RAPGEF2: variants seen among roughly 807,000 people sequenced by gnomAD.
RAPGEF2 encodes the protein PDZ domain containing guanine nucleotide exchange factor (GEF) 1.
A neutral mutation model predicts 186.7 loss-of-function variants in RAPGEF2; 54 were observed. That is an observed-to-expected ratio of 0.29 (90% confidence interval 0.23 to 0.36). The LOEUF is 0.36. RAPGEF2 is among the 10% of genes least tolerant of loss of function. The pLI, the probability that RAPGEF2 is intolerant of heterozygous loss-of-function variation, is 1.00. For missense variants in RAPGEF2, 1,532 were observed against 2,045.0 expected (o/e 0.75, Z 4.84); for synonymous variants, 712 against 705.9 (o/e 1.01, Z -0.14).
intron 7 of RAPGEF2, among the ~76,000 whole-genome samples, chr4:159,303,178 C>T (rs925875217): frequency 2.0e-5 from 3 of 152,088 alleles, no homozygotes; most frequent in Non-Finnish European, 4.4e-5. Context: ...CTTGGAGCTC[C>T]GAAGTATCAA....
intron 1 of RAPGEF2, among the ~76,000 whole-genome samples, chr4:159,164,968 C>T (rs1228095925): frequency 2.6e-5 from 4 of 152,200 alleles, no homozygotes; most frequent in African/African-American, 9.6e-5. Context: ...TGCTGAAAAT[C>T]TTTAACATAC....
intron 7 of RAPGEF2, among the ~76,000 whole-genome samples, chr4:159,263,755 T>G (rs926146192): frequency 5.3e-5 from 8 of 152,182 alleles, no homozygotes; most frequent in Admixed American, 5.2e-4. Context: ...TAAGTGTGAT[T>G]AATCATTACT....
chr4:159,231,656 T>C (rs747756224), intron 4 of RAPGEF2, among the ~76,000 whole-genome samples: 3 of 152,102 alleles, frequency 2.0e-5, no homozygotes, highest in Non-Finnish European at 4.4e-5. Flanking sequence ...AAATTTCAAA[T>C]ACAGAATGCT....
chr4:159,332,084 A>G (rs1314620630), intron 16 of RAPGEF2, 50 bp downstream of exon 16: 1 of 1,238,250 alleles, frequency 8.1e-7, no homozygotes, highest in African/African-American at 1.5e-5. Context: ...CTTGTTTTTT[A>G]GTATTTCAAA....
At chr4:159,256,187 C>T (rs1002405496) in intron 7 of RAPGEF2, among the ~76,000 whole-genome samples, 1 of 152,138 alleles carries the variant, frequency 6.6e-6, no homozygotes, top group Non-Finnish European at 1.5e-5. Flanking sequence ...AGGTATTAAG[C>T]CCATGTATTA....
chr4:159,233,408 C>CT (rs765618421), intron 4 of RAPGEF2, among the ~76,000 whole-genome samples: 3 of 152,176 alleles, frequency 2.0e-5, no homozygotes, highest in Non-Finnish European at 2.9e-5. Context: ...GTTGAAGACT[C>CT]TGTTCTTCTC....
At chr4:159,287,060 G>T (rs1352082120) in intron 7 of RAPGEF2, among the ~76,000 whole-genome samples, 3 of 152,064 alleles carry the variant, frequency 2.0e-5, no homozygotes, top group Non-Finnish European at 2.9e-5. Flanking sequence ...AAAAATGCAG[G>T]TATAGGCAAC....
intron 7 of RAPGEF2, among the ~76,000 whole-genome samples, chr4:159,286,030 A>ACCACCACCACCACC (rs1554026580): frequency 1.1e-5 from 1 of 89,234 alleles, no homozygotes; most frequent in Non-Finnish European, 2.4e-5. Context: ...TGTTCCCCCC[A>ACCACCACCACCACC]ACCACCACCA....
At chr4:159,271,892 C>T in intron 7 of RAPGEF2, among the ~76,000 whole-genome samples, 1 of 152,272 alleles carries the variant, frequency 6.6e-6, no homozygotes, top group East Asian at 1.9e-4. Flanking sequence ...CATGTTGAGA[C>T]TTGAGTTGAG....
intron 1 of RAPGEF2, among the ~76,000 whole-genome samples, chr4:159,150,425 C>G (rs374543058): frequency 3.3e-5 from 5 of 152,134 alleles, no homozygotes; most frequent in South Asian, 2.1e-4. Context: ...CGAAGTGTAT[C>G]GAACACACAT....
intron 1 of RAPGEF2, among the ~76,000 whole-genome samples, chr4:159,113,881 G>C (rs180790557): frequency 1.3e-5 from 2 of 152,034 alleles, no homozygotes; most frequent in African/African-American, 4.8e-5. Flanking sequence ...TTATTAGTTG[G>C]GGAAACTTGA....
chr4:159,351,740 C>T lies in RAPGEF2; in HGVS notation c.3866-945C>T, dbSNP rs188308723. Among the ~76,000 whole-genome samples the T allele has an allele frequency of 2.0e-4, 31 of 151,688 alleles. 1 individual carries two copies. The East Asian group carries it at 4.7e-3, about 23-fold the overall frequency. ...GGCTGATTACCTGAGGCCAGGAGTT[C>T]GAGACTAGCTTGGCCAACATGGTGA... On this transcript the variant is annotated intron_variant, in intron 26 of 29. Transcript: ENST00000691494.
chr4:159,110,127 C>T (rs1738327627), intron 1 of RAPGEF2, among the ~76,000 whole-genome samples: 1 of 152,192 alleles, frequency 6.6e-6, no homozygotes, highest in Non-Finnish European at 1.5e-5. Context: ...CTAATTATGG[C>T]ACAGGATGAT....
At chr4:159,241,931 A>G (rs1026166457) in intron 6 of RAPGEF2, among the ~76,000 whole-genome samples, 1 of 152,174 alleles carries the variant, frequency 6.6e-6, no homozygotes, top group African/African-American at 2.4e-5. Flanking sequence ...TGAAGGAGGA[A>G]TAATTTGAAA....
intron 6 of RAPGEF2, among the ~76,000 whole-genome samples, chr4:159,243,315 T>G (rs1429496463): frequency 6.6e-6 from 1 of 151,858 alleles, no homozygotes; most frequent in African/African-American, 2.4e-5. Flanking sequence ...CATCCTTTTT[T>G]GGGGTGTAAA....
intron 1 of RAPGEF2, among the ~76,000 whole-genome samples, chr4:159,161,159 C>G (rs1744668734): frequency 6.6e-6 from 1 of 151,882 alleles, no homozygotes; most frequent in Non-Finnish European, 1.5e-5. Flanking sequence ...GTGTGTCATC[C>G]TAAAGATTTT....
chr4:159,160,024 C>G (rs1455075654), intron 1 of RAPGEF2, among the ~76,000 whole-genome samples: 2 of 152,140 alleles, frequency 1.3e-5, no homozygotes, highest in South Asian at 2.1e-4. Context: ...AAATGTGATG[C>G]TGAATTCATA....
In RAPGEF2 at chr4:159,352,840, G is replaced by A. The variant is rs766893641; in HGVS notation, c.4021G>A (p.Val1341Met). Residue 1341 changes from valine to methionine, a missense_variant, in exon 27 of 30, where the codon GTG (valine) becomes ATG (methionine). Physicochemically the swap from Val to Met is conservative, Grantham distance 21. Around this residue, in one of 4 missense-constraint regions of RAPGEF2, gnomAD observed 594 missense variants for 608.5 expected, o/e 0.98. Transcript: ENST00000691494. ...GCGCCAGAGGCATTCTGTCAGCATC[G>A]TGGAAACAAACCTAGGGATGGGCAG... Reference protein sequence around the residue: ...ERRQRHSVSIVETNLGMGRME... With the variant: ...ERRQRHSVSIMETNLGMGRME... 13 of 1,614,090 alleles carry A rather than the reference G, an allele frequency of 8.1e-6. No homozygotes were observed. Among genetic ancestry groups the A allele is most frequent in the Admixed American group, 1.7e-5 (1 of 60,004 alleles).
intron 1 of RAPGEF2, among the ~76,000 whole-genome samples, chr4:159,143,284 G>GA (rs1322482173): frequency 2.0e-5 from 3 of 151,652 alleles, no homozygotes; most frequent in Admixed American, 6.6e-5. Flanking sequence ...CCAAAAAAAC[G>GA]AAAAAAACTT....
Sources: gnomAD v4.1 joint callset for allele counts (sites outside exome capture counted in the v4.1 genomes callset) on GRCh38, gnomAD v4.1.1 for gene constraint, gnomAD v4.1.1 regional missense constraint, MANE v1.5 for transcripts, NCBI Gene and HGNC (gene_info 2026-07-23, HGNC 2026-07-21) for gene names.